Variants in CLNK observed in about 807,000 individuals in gnomAD.
CLNK encodes cytokine dependent hematopoietic cell linker.
CLNK carries 74 observed loss-of-function variants against 68.6 expected under a neutral mutation model. That is an observed-to-expected ratio of 1.08 (90% CI 0.89 to 1.31). CLNK has a LOEUF of 1.31. Ranked by LOEUF, CLNK falls within the 50% of genes most tolerant of loss-of-function variation. CLNK has a pLI of 0.00. For missense variants in CLNK, 553 were observed against 515.3 expected (o/e 1.07, Z -0.71); for synonymous variants, 198 against 172.2 (o/e 1.15, Z -1.17).
At chr4:10,713,498 G>GC in the CLNK span, among the ~76,000 whole-genome samples, 1 of 152,068 alleles carries the variant, frequency 6.6e-6, no homozygotes, top group African/African-American at 2.4e-5. Flanking sequence ...TGAGGTCATG[G>GC]CCCATATCAC....
intron 8 of CLNK, among the ~76,000 whole-genome samples, chr4:10,544,683 G>A (rs141545047): frequency 9.9e-5 from 15 of 152,208 alleles, no homozygotes; most frequent in African/African-American, 2.6e-4. Context: ...AAACAGCAAG[G>A]GCAAAAGTCC....
chr4:10,623,479 T>G (rs1722541132), intron 2 of CLNK, among the ~76,000 whole-genome samples: 1 of 152,206 alleles, frequency 6.6e-6, no homozygotes, highest in Admixed American at 6.5e-5. Context: ...ACTAACCTTG[T>G]AGATATGCAG....
At chr4:10,723,919 A>AGACAGAGAGAGAGAGATCG in the CLNK span, among the ~76,000 whole-genome samples, 15 of 148,084 alleles carry the variant, frequency 1.0e-4, no homozygotes, top group Non-Finnish European at 1.8e-4. Flanking sequence ...AGAGAGAGAG[A>AGACAGAGAGAGAGAGATCG]AGGCAGGGCA....
chr4:10,561,051 C>T (rs948966250), intron 7 of CLNK, among the ~76,000 whole-genome samples: 2 of 152,042 alleles, frequency 1.3e-5, no homozygotes, highest in African/African-American at 4.8e-5. Flanking sequence ...CATGCTCCAC[C>T]ACGACCAGCT....
chr4:10,644,277 A>G (rs1410924560), intron 2 of CLNK, among the ~76,000 whole-genome samples: 1 of 152,194 alleles, frequency 6.6e-6, no homozygotes, highest in Non-Finnish European at 1.5e-5. Context: ...TTATTGCTAT[A>G]GTGGGAGGGG....
chr4:10,632,508 G>A (rs1932934995), intron 2 of CLNK, among the ~76,000 whole-genome samples: 1 of 152,230 alleles, frequency 6.6e-6, no homozygotes. Context: ...GTGACTATTT[G>A]TGGAATATTC....
At chr4:10,519,236 G>A (rs1717962923) in intron 15 of CLNK, among the ~76,000 whole-genome samples, 1 of 152,172 alleles carries the variant, frequency 6.6e-6, no homozygotes. Context: ...CAGCCCTGGG[G>A]TGCTTGACTG....
the CLNK span, among the ~76,000 whole-genome samples, chr4:10,717,421 C>A: frequency 6.6e-6 from 1 of 152,130 alleles, no homozygotes; most frequent in Non-Finnish European, 1.5e-5. Flanking sequence ...CTTAGAGAAA[C>A]CCCGTCTCTA....
the CLNK span, among the ~76,000 whole-genome samples, chr4:10,706,450 CAA>C: frequency 1.3e-5 from 2 of 152,046 alleles, no homozygotes; most frequent in Non-Finnish European, 2.9e-5. Context: ...ATAGAGATGC[CAA>C]AATAAACACC....
At chr4:10,583,527 C>T (rs550078617) in intron 4 of CLNK, among the ~76,000 whole-genome samples, 8 of 152,072 alleles carry the variant, frequency 5.3e-5, no homozygotes, top group Admixed American at 1.3e-4. Flanking sequence ...CCTTGTGATC[C>T]GCCTGCTTTG....
intron 7 of CLNK, among the ~76,000 whole-genome samples, 154 bp downstream of exon 7, chr4:10,564,517 T>TACCAGTCATAAGAGTCACCTCCC (rs1720020409): frequency 2.0e-5 from 3 of 152,178 alleles, no homozygotes; most frequent in African/African-American, 7.2e-5. Context: ...AGTCACCTCC[T>TACCAGTCATAAGAGTCACCTCCC]ACCAGTCATA....
At chr4:10,631,585 TA>T (rs1722893484) in intron 2 of CLNK, among the ~76,000 whole-genome samples, 2 of 152,090 alleles carry the variant, frequency 1.3e-5, no homozygotes, top group African/African-American at 4.8e-5. Flanking sequence ...GGTCAGGAAC[TA>T]GGGGTAAAGC....
intron 2 of CLNK, among the ~76,000 whole-genome samples, chr4:10,614,421 A>G (rs969838185): frequency 2.6e-5 from 4 of 151,394 alleles, no homozygotes; most frequent in African/African-American, 9.7e-5. Flanking sequence ...TTCTCCAGGA[A>G]CTCTCCTCCG....
chr4:10,715,520 G>A, the CLNK span, among the ~76,000 whole-genome samples: 3 of 152,136 alleles, frequency 2.0e-5, no homozygotes, highest in Non-Finnish European at 4.4e-5. Context: ...GGGATCCAGT[G>A]TACTCTTGTG....
upstream of CLNK, among the ~76,000 whole-genome samples, chr4:10,686,562 G>T (rs529958410): frequency 4.0e-5 from 6 of 150,922 alleles, no homozygotes; most frequent in African/African-American, 1.5e-4. Flanking sequence ...GGTGGGTTTG[G>T]GGCACTAAGG....
the CLNK span, among the ~76,000 whole-genome samples, chr4:10,692,950 G>C: frequency 6.6e-6 from 1 of 152,178 alleles, no homozygotes; most frequent in Non-Finnish European, 1.5e-5. Flanking sequence ...TCAAGGTATG[G>C]CTCCTGCATT....
the CLNK span, among the ~76,000 whole-genome samples, chr4:10,728,879 G>A: frequency 3.3e-5 from 5 of 152,016 alleles, no homozygotes; most frequent in Admixed American, 6.6e-5. Flanking sequence ...GATTACAGGT[G>A]TGAGCTACCA....
At chr4:10,603,196 T>A (rs1021493312) in intron 2 of CLNK, among the ~76,000 whole-genome samples, 1 of 152,212 alleles carries the variant, frequency 6.6e-6, no homozygotes, top group Non-Finnish European at 1.5e-5. Flanking sequence ...AGAGTGAGCT[T>A]GCAGGCTGCT....
At chr4:10,610,311 T>C (rs1280180191) in intron 2 of CLNK, among the ~76,000 whole-genome samples, 1 of 150,428 alleles carries the variant, frequency 6.6e-6, no homozygotes, top group Non-Finnish European at 1.5e-5. Context: ...CCCAAAGTGC[T>C]GGGATTACAG....
Sources: gnomAD v4.1 joint callset for allele counts (sites outside exome capture counted in the v4.1 genomes callset) on GRCh38, gnomAD v4.1.1 for gene constraint, MANE v1.5 for transcripts, NCBI Gene and HGNC (gene_info 2026-07-23, HGNC 2026-07-21) for gene names.